The following POMGNT1 variants were observed in gnomAD, a reference collection of about 807,000 sequenced individuals.
POMGNT1 encodes protein O-linked mannose N-acetylglucosaminyltransferase 1 (beta 1,2-), also known as protein O-linked-mannose beta-1,2-N-acetylglucosaminyltransferase 1.
In POMGNT1, 67 loss-of-function variants were observed where a neutral mutation model predicts 95.6. The ratio of observed to expected loss-of-function variants is 0.70; its 90% CI spans 0.58 to 0.86. POMGNT1 has a LOEUF of 0.86. Ranked by LOEUF, POMGNT1 falls within the 40% of genes least tolerant of loss-of-function variation. The pLI is 0.00. For missense variants in POMGNT1, 719 were observed against 855.2 expected (o/e 0.84, Z 1.99); for synonymous variants, 298 against 317.9 (o/e 0.94, Z 0.66).
In POMGNT1 at chr1:46,192,302, AG is replaced by A; in HGVS notation, c.1413+5del. ...TCCAGCCCCCTCACCCTACCCTGAC[AG>A]TTACCTTTTCCGGTGTAGGCCACTT... On this transcript the variant is annotated splice_donor_5th_base_variant and intron_variant, in intron 16 of 21. Transcript: ENST00000371984. 6.2e-7 allele frequency: 1 copy of A among 1,614,156 alleles called. No individual in the cohort carries two copies. Among genetic ancestry groups the A allele is most frequent in the Non-Finnish European group, 8.5e-7 (1 of 1,180,024 alleles).
exon 1 of POMGNT1, chr1:46,220,166 C>T (rs2148256853): frequency 6.2e-7 from 1 of 1,614,026 alleles, no homozygotes; most frequent in East Asian, 2.2e-5. Context: ...CCAAGCTGGG[C>T]TTCGAGGCCC....
In POMGNT1 at chr1:46,189,111, CA is replaced by C; in HGVS notation, c.*158del. ...TTAACTCAGGAACGGGGTGTTGGAG[CA>C]GGGGAACCCTCCCCTTGGAGTTAGT... On this transcript the variant is annotated 3_prime_UTR_variant, in exon 22 of 22. Coordinates refer to ENST00000371984, the MANE Select transcript of POMGNT1 (RefSeq NM_017739.4). 1.3e-6 allele frequency: 2 copies of C among 1,494,756 alleles called. No individual in the cohort carries two copies. The highest frequency in any genetic ancestry group is 2.8e-5 in the South Asian group (2 of 72,428). The allele number at this position is 1,494,756 out of a possible 1,614,324, so 92.6% of individuals were successfully genotyped here. A position where few individuals can be genotyped will look rare whatever the true frequency, so the allele number is the denominator to read the frequency against.
Position 46,188,890 on chromosome 1 carries a change from C to G in POMGNT1, c.*380G>C. 6.2e-7 allele frequency: 1 copy of G among 1,612,860 alleles called. No homozygotes were observed. Among genetic ancestry groups the G allele is most frequent in the Non-Finnish European group, 8.5e-7 (1 of 1,179,884 alleles). ...CCAGCCCCACCCTCAGGGCAGCATTCCAGCCCAAAAAGAAATCCAGGCCCT... is the reference window on the plus strand; with the variant it reads ...CCAGCCCCACCCTCAGGGCAGCATTGCAGCCCAAAAAGAAATCCAGGCCCT... On this transcript the variant is annotated 3_prime_UTR_variant, in exon 22 of 22. Transcript: ENST00000371984.
At chr1:46,194,430 G>A in intron 8 of POMGNT1, 29 bp from the exon 9 acceptor site, 4 of 1,614,134 alleles carry the variant, frequency 2.5e-6, no homozygotes, top group Non-Finnish European at 2.5e-6. Context: ...TGTCATGGAG[G>A]CATGGGGCCA....
upstream of POMGNT1, chr1:46,203,323 G>A: frequency 5.1e-6 from 5 of 982,688 alleles, no homozygotes; most frequent in South Asian, 6.5e-5. Context: ...CCGCGCGGGC[G>A]GGGACCCACC....
chr1:46,198,540 G>GGCGGCGGCGGCGGCGGCGGCGGCA (rs1434009608), upstream of POMGNT1: 2 of 76,056 alleles, frequency 2.6e-5, no homozygotes, highest in South Asian at 8.7e-4. Flanking sequence ...CGGCGGCGGC[G>GGCGGCGGCGGCGGCGGCGGCGGCA]GTGGCGGCAG....
chr1:46,219,679 TC>T (rs1192598752), intron 1 of POMGNT1: 1 of 1,551,516 alleles, frequency 6.4e-7, no homozygotes, highest in East Asian at 2.3e-5. Context: ...TGGGACTAAT[TC>T]CTTCTCCCAC....
At chr1:46,190,889 C>T (rs373872291) in intron 17 of POMGNT1, 105 bp from the exon 18 acceptor site, 1 of 1,049,544 alleles carries the variant, frequency 9.5e-7, no homozygotes, top group East Asian at 2.4e-5. Flanking sequence ...AGTCCTAGAC[C>T]TGTAAAGAGC....
intron 1 of POMGNT1, chr1:46,219,650 G>A (rs777809587): frequency 7.3e-6 from 11 of 1,515,752 alleles, no homozygotes; most frequent in African/African-American, 1.4e-5. Flanking sequence ...AAACGCTGGG[G>A]AAACCCATGC....
chr1:46,198,812 G>C (rs1658443474), upstream of POMGNT1, among the ~76,000 whole-genome samples: 1 of 152,240 alleles, frequency 6.6e-6, no homozygotes, highest in Non-Finnish European at 1.5e-5. Context: ...CCGTTACCTA[G>C]TCCTGGGGCA....
At chr1:46,216,043 CTTT>C (rs141982741) in intron 1 of POMGNT1, among the ~76,000 whole-genome samples, 2 of 92,538 alleles carry the variant, frequency 2.2e-5, no homozygotes, top group African/African-American at 4.3e-5. Flanking sequence ...TTTATTTTAT[CTTT>C]TTTTTTTTTT....
At chr1:46,200,959 C>T (rs1401333514), upstream of POMGNT1, among the ~76,000 whole-genome samples, 7 of 151,662 alleles carry the variant, frequency 4.6e-5, no homozygotes, top group Admixed American at 3.9e-4. Context: ...GGTGAAACCC[C>T]GTCTCTACTA....
chr1:46,195,833 C>G lies in POMGNT1; in HGVS notation c.512G>C (p.Arg171Pro). The G allele has an allele frequency of 6.2e-7, 1 of 1,601,332 alleles. No homozygotes were observed. The highest frequency in any genetic ancestry group is 8.5e-7 in the Non-Finnish European group (1 of 1,173,072). ...VLFLNMVAPGRVLICTVKDEG... is the reference protein window; with the variant it reads ...VLFLNMVAPGPVLICTVKDEG... ...GACCTTGACAGTGCAGATGAGCACT[C>G]GGCCGGGCGCTACCATGTTGAGGAA... is the stretch of plus-strand genomic sequence containing the variant. Residue 171 changes from arginine (R) to proline (P), a missense_variant, in exon 6 of 22, where the codon CGA (arginine) becomes CCA (proline). Arg to Pro is a moderately radical substitution (Grantham distance 103). Around this residue, in one of 5 missense-constraint regions of POMGNT1, gnomAD observed 466 missense variants for 517.4 expected, o/e 0.90. Coordinates refer to ENST00000371984, the MANE Select transcript of POMGNT1 (RefSeq NM_017739.4).
chr1:46,190,407 T>G, intron 19 of POMGNT1, 66 bp downstream of exon 19: 3 of 1,518,600 alleles, frequency 2.0e-6, no homozygotes, highest in Non-Finnish European at 2.7e-6. Context: ...CTGTAAATTA[T>G]GGGGCCAAGA....
intron 1 of POMGNT1, among the ~76,000 whole-genome samples, chr1:46,212,299 G>C (rs1237424097): frequency 1.2e-5 from 1 of 86,410 alleles, no homozygotes; most frequent in African/African-American, 4.6e-5. Flanking sequence ...TTTTTTTTTT[G>C]AGACGGAGTC....
upstream of POMGNT1, among the ~76,000 whole-genome samples, chr1:46,200,859 G>C (rs765417183): frequency 6.6e-6 from 1 of 152,182 alleles, no homozygotes; most frequent in Non-Finnish European, 1.5e-5. Context: ...AAATGTTGCC[G>C]GGTTCGGTGG....
chr1:46,198,027 A>G, intron 1 of POMGNT1, 156 bp from the exon 2 acceptor site: 2 of 679,422 alleles, frequency 2.9e-6, no homozygotes, highest in Non-Finnish European at 4.9e-6. Context: ...GCTGGCAGGA[A>G]ACCCTTCAGT....
rs1186619711 is a variant in POMGNT1, at chr1:46,189,238, G to A, written c.*32C>T. The A allele has an allele frequency of 1.6e-5, 25 of 1,603,708 alleles. No homozygotes were observed. The highest frequency in any genetic ancestry group is 2.1e-5 in the Non-Finnish European group (25 of 1,175,900). On this transcript the variant is annotated 3_prime_UTR_variant, in exon 22 of 22. Transcript: ENST00000371984. ...GGGCTAGCCAGCCTGGGGGTACACA[G>A]TACCCAGCCCCGCAGGGTCCTGGAG... is the stretch of plus-strand genomic sequence containing the variant.
At chr1:46,190,244 C>T in intron 19 of POMGNT1, 1 of 667,236 alleles carries the variant, frequency 1.5e-6, no homozygotes, top group South Asian at 1.8e-5. Context: ...CAGGGTTTCA[C>T]CGTGTTAGCC....
Sources: allele counts gnomAD v4.1 joint callset (sites outside exome capture counted in the v4.1 genomes callset), GRCh38; gene constraint gnomAD v4.1.1; regional missense constraint gnomAD v4.1.1; transcripts MANE v1.5; gene names NCBI Gene and HGNC (gene_info 2026-07-23, HGNC 2026-07-21).